The following ARHGAP28 variants were observed in gnomAD, a reference collection of about 807,000 sequenced individuals.
The protein encoded by ARHGAP28 is Rho GTPase activating protein 28, also known as rho GTPase-activating protein 28.
ARHGAP28 carries 56 observed loss-of-function variants against 90.7 expected under a neutral mutation model. That is an observed-to-expected ratio of 0.62 (90% confidence interval 0.50 to 0.77). ARHGAP28 has a LOEUF of 0.77. Among genes scored for constraint, ARHGAP28 ranks in the 30% least tolerant of loss-of-function variants. The pLI is 0.00. For missense variants in ARHGAP28, 869 were observed against 900.9 expected, an observed-to-expected ratio of 0.96 and a Z score of 0.45; for synonymous variants, 308 against 323.3, an observed-to-expected ratio of 0.95 and a Z score of 0.51.
intron 4 of ARHGAP28, among the ~76,000 whole-genome samples, chr18:6,856,343 T>C (rs943984521): frequency 1.3e-5 from 2 of 152,194 alleles, no homozygotes; most frequent in Non-Finnish European, 2.9e-5. Context: ...TATAGCAATA[T>C]AATCTCAATT....
chr18:6,868,253 G>A lies in ARHGAP28; in HGVS notation c.811+19G>A. On this transcript the variant is annotated intron_variant, in intron 6 of 17. Transcript: ENST00000383472. ...ATAAGTGGTGAGCGGCATGCCTCCT[G>A]TTGAACTTCAGCTGTGTCTTCTCGC... The A allele has an allele frequency of 1.2e-6, 2 of 1,609,098 alleles. No individual in the cohort carries two copies. The highest frequency in any genetic ancestry group is 1.1e-5 in the South Asian group (1 of 90,904).
rs779517617 is a variant in ARHGAP28, at chr18:6,912,206, A to G, written c.*52A>G. 11 of 1,094,082 alleles carry G rather than the reference A, an allele frequency of 1.0e-5. No individual in the cohort carries two copies. The highest frequency in any genetic ancestry group is 2.2e-4 in the Middle Eastern group (1 of 4,604). The allele number at this position is 1,094,082 out of a possible 1,614,324, so 67.8% of individuals were successfully genotyped here. The stretch of plus-strand genomic sequence containing the variant: ...GTATTATATGCCAAAAAGATCCTAC[A>G]TTTTGGTAGGGAAAAAACAACACTG... On this transcript the variant is annotated 3_prime_UTR_variant, in exon 18 of 18. Coordinates refer to ENST00000383472, the MANE Select transcript of ARHGAP28 (RefSeq NM_001366230.1).
intron 1 of ARHGAP28, among the ~76,000 whole-genome samples, chr18:6,778,429 G>A (rs892920392): frequency 2.0e-5 from 3 of 152,160 alleles, no homozygotes; most frequent in African/African-American, 7.2e-5. Context: ...TTCATAAGCA[G>A]CTTTTTAGCA....
intron 7 of ARHGAP28, 88 bp downstream of exon 7, chr18:6,870,820 G>C (rs1374865605): frequency 1.4e-5 from 19 of 1,352,168 alleles, no homozygotes; most frequent in East Asian, 4.8e-5. Flanking sequence ...TTTTTTTTGA[G>C]ACGGAGTCTC....
chr18:6,879,966 G>C (rs1177756838), intron 10 of ARHGAP28, among the ~76,000 whole-genome samples: 4 of 152,164 alleles, frequency 2.6e-5, no homozygotes, highest in Non-Finnish European at 5.9e-5. Flanking sequence ...TAGGTGACTG[G>C]GAACTACTCA....
At chr18:6,879,278 T>C (rs1171755071) in intron 10 of ARHGAP28, among the ~76,000 whole-genome samples, 1 of 152,236 alleles carries the variant, frequency 6.6e-6, no homozygotes, top group Non-Finnish European at 1.5e-5. Flanking sequence ...GAGATTTTCT[T>C]TTTTGACTAG....
At chr18:6,793,295 T>C (rs1452876685) in intron 1 of ARHGAP28, among the ~76,000 whole-genome samples, 2 of 152,200 alleles carry the variant, frequency 1.3e-5, no homozygotes, top group Admixed American at 1.3e-4. Context: ...CTTTTTATGC[T>C]CAAAATAAGG....
At chr18:6,745,693 G>A (rs1186191579) in intron 1 of ARHGAP28, among the ~76,000 whole-genome samples, 1 of 152,176 alleles carries the variant, frequency 6.6e-6, no homozygotes, top group Non-Finnish European at 1.5e-5. Flanking sequence ...AGCATTGCCT[G>A]TTCGTGGAAG....
intron 14 of ARHGAP28, among the ~76,000 whole-genome samples, chr18:6,893,698 G>A (rs1012646868): frequency 2.0e-5 from 3 of 151,292 alleles, no homozygotes; most frequent in African/African-American, 7.3e-5. Context: ...ATGGACTCAC[G>A]GTGTGTGTGT....
At chr18:6,854,221 A>G (rs927469854) in intron 4 of ARHGAP28, among the ~76,000 whole-genome samples, 1 of 151,414 alleles carries the variant, frequency 6.6e-6, no homozygotes, top group African/African-American at 2.4e-5. Flanking sequence ...AAACTGTTAC[A>G]CCCTTAGCGT....
chr18:6,911,525 T>G (rs1393128196), intron 17 of ARHGAP28, among the ~76,000 whole-genome samples: 3 of 152,090 alleles, frequency 2.0e-5, no homozygotes, highest in Non-Finnish European at 4.4e-5. Flanking sequence ...AACCTCAGCC[T>G]CCCAGGTTCA....
intron 1 of ARHGAP28, among the ~76,000 whole-genome samples, chr18:6,767,131 A>T (rs922494260): frequency 6.6e-6 from 1 of 151,124 alleles, no homozygotes; most frequent in Non-Finnish European, 1.5e-5. Context: ...CTCTTTGTTC[A>T]TTATTTTTCG....
chr18:6,890,079 G>A lies in ARHGAP28; in HGVS notation c.1728G>A (p.Leu576=). 2 of 1,614,128 alleles carry A rather than the reference G, an allele frequency of 1.2e-6. No individual in the cohort carries two copies. Among genetic ancestry groups the A allele is most frequent in the Non-Finnish European group, 1.7e-6 (2 of 1,180,008 alleles). The change falls in exon 13 of 18, where the codon TTG becomes TTA. Residue 576 remains leucine (L), a synonymous_variant. Coordinates refer to ENST00000383472, the MANE Select transcript of ARHGAP28 (RefSeq NM_001366230.1). ...TAATGCTTAAGTACCAGAAGATTTT[G>A]TGGAAGGTGAGTGACATAGTGATGA... ...IRLMLKYQKI[L]WKVPSFLITQ...
chr18:6,839,333 G>A (rs530347097), intron 3 of ARHGAP28, among the ~76,000 whole-genome samples: 12 of 134,558 alleles, frequency 8.9e-5, no homozygotes, highest in Non-Finnish European at 1.4e-4. Context: ...TCGCTCTGTC[G>A]CCCAGGCTGG....
intron 1 of ARHGAP28, among the ~76,000 whole-genome samples, chr18:6,810,016 T>G (rs899997088): frequency 2.0e-4 from 31 of 152,354 alleles, no homozygotes; most frequent in African/African-American, 7.2e-4. Context: ...CTAATTCACC[T>G]TCACCTCTGA....
At chr18:6,842,693 A>G (rs957414460) in intron 3 of ARHGAP28, among the ~76,000 whole-genome samples, 8 of 152,236 alleles carry the variant, frequency 5.3e-5, no homozygotes, top group African/African-American at 1.2e-4. Flanking sequence ...TAGTATGGTA[A>G]TGGGAGTTGT....
At chr18:6,895,616 A>G (rs1402237892) in intron 15 of ARHGAP28, among the ~76,000 whole-genome samples, 1 of 152,134 alleles carries the variant, frequency 6.6e-6, no homozygotes, top group African/African-American at 2.4e-5. Flanking sequence ...CCATCTTCAC[A>G]TGGTGTTCTT....
chr18:6,879,387 G>A (rs961680086), intron 10 of ARHGAP28, among the ~76,000 whole-genome samples: 3 of 152,142 alleles, frequency 2.0e-5, no homozygotes, highest in African/African-American at 7.2e-5. Flanking sequence ...CTCCAAAATA[G>A]AGGCACATTG....
chr18:6,842,641 T>C (rs1174125949), intron 3 of ARHGAP28, among the ~76,000 whole-genome samples: 1 of 152,194 alleles, frequency 6.6e-6, no homozygotes. Flanking sequence ...CCTTGGGTGT[T>C]GATTTATGTT....
Sources: allele counts gnomAD v4.1 joint callset (sites outside exome capture counted in the v4.1 genomes callset), GRCh38; gene constraint gnomAD v4.1.1; transcripts MANE v1.5; gene names NCBI Gene and HGNC (gene_info 2026-07-23, HGNC 2026-07-21).